Variants in ASRGL1 observed in about 807,000 individuals in gnomAD.
ASRGL1 encodes the protein isoaspartyl peptidase/L-asparaginase.
Under a neutral mutation model 22.4 loss-of-function variants are expected in ASRGL1, and 16 were observed. That is an observed-to-expected ratio of 0.71 (90% CI 0.48 to 1.08). The LOEUF (loss-of-function observed/expected upper bound fraction) is 1.08, where lower values mean the gene tolerates loss of function less well. Among genes scored for constraint, ASRGL1 ranks in the 50% least tolerant of loss-of-function variants. The pLI, the probability that ASRGL1 is intolerant of heterozygous loss-of-function variation, is 0.00. For synonymous variants in ASRGL1, 165 were observed against 159.3 expected, an observed-to-expected ratio of 1.04 and a Z score of -0.27; for missense variants, 412 against 410.1, an observed-to-expected ratio of 1.00 and a Z score of -0.04.
chr11:62,388,154 A>G (rs1393910883), intron 4 of ASRGL1, among the ~76,000 whole-genome samples: 4 of 152,230 alleles, frequency 2.6e-5, no homozygotes, highest in Non-Finnish European at 5.9e-5. Flanking sequence ...GTACTTGTGT[A>G]TCTAAACATA....
chr11:62,386,642 G>A (rs1226979165), intron 4 of ASRGL1, among the ~76,000 whole-genome samples: 2 of 152,192 alleles, frequency 1.3e-5, no homozygotes, highest in Non-Finnish European at 2.9e-5. Context: ...GAACACTTGA[G>A]AATGCGCTTA....
chr11:62,386,032 C>G, intron 4 of ASRGL1, among the ~76,000 whole-genome samples: 1 of 151,990 alleles, frequency 6.6e-6, no homozygotes, highest in East Asian at 1.9e-4. Context: ...CATGGTGACA[C>G]ACGCCTGTAG....
intron 4 of ASRGL1, among the ~76,000 whole-genome samples, chr11:62,362,634 TATATA>T (rs1237410993): frequency 1.4e-5 from 1 of 72,028 alleles, no homozygotes; most frequent in African/African-American, 6.1e-5. Context: ...ATATAAAATA[TATATA>T]ATATATAATA....
chr11:62,395,759 C>CTTTTT (rs564952668), downstream of ASRGL1, among the ~76,000 whole-genome samples: 200 of 71,944 alleles, frequency 2.8e-3, 20 homozygotes, highest in Non-Finnish European at 4.1e-3. Flanking sequence ...GTAGCTGTTT[C>CTTTTT]TTTTTTTTTT....
intron 4 of ASRGL1, among the ~76,000 whole-genome samples, chr11:62,376,998 A>G (rs887988906): frequency 2.6e-5 from 4 of 152,224 alleles, no homozygotes; most frequent in Admixed American, 6.5e-5. Context: ...GCCATAACAC[A>G]TTAGGACATA....
In ASRGL1 at chr11:62,350,617, G is replaced by A. The variant is rs921051075; in HGVS notation, c.191-5708G>A. On this transcript the variant is annotated intron_variant, in intron 2 of 6. Coordinates refer to ENST00000415229, the MANE Select transcript of ASRGL1 (RefSeq NM_001083926.2). ...TCAAAACCAGCCTGGCCAACATGGT[G>A]AAACCTCATCTCTACTAAAAATACA... Among the ~76,000 whole-genome samples the A allele has an allele frequency of 2.6e-5, 4 of 152,236 alleles. No homozygotes were observed. The South Asian group carries it at 8.3e-4, about 32-fold the overall frequency.
intron 4 of ASRGL1, chr11:62,371,150 C>T (rs1813842192): frequency 8.9e-7 from 1 of 1,123,360 alleles, no homozygotes; most frequent in Non-Finnish European, 1.2e-6. Flanking sequence ...AGGAAGAAGG[C>T]GGCGGTGGCG....
chr11:62,356,254 A>T, intron 2 of ASRGL1, 71 bp from the exon 3 acceptor site: 14 of 1,544,814 alleles, frequency 9.1e-6, no homozygotes, highest in East Asian at 2.3e-5. Context: ...CGGGGGGCTG[A>T]CCCCCCCACC....
chr11:62,379,438 A>G (rs1036783673), intron 4 of ASRGL1, among the ~76,000 whole-genome samples: 3 of 152,094 alleles, frequency 2.0e-5, no homozygotes, highest in Non-Finnish European at 4.4e-5. Flanking sequence ...TCCAACCTTA[A>G]TATAAGGCAG....
At chr11:62,370,752 A>G (rs955590927) in intron 4 of ASRGL1, among the ~76,000 whole-genome samples, 3 of 152,092 alleles carry the variant, frequency 2.0e-5, no homozygotes, top group Non-Finnish European at 4.4e-5. Context: ...ATATCACCGC[A>G]CTATTGGCCA....
Position 62,387,127 on chromosome 11 carries a change from T to G in ASRGL1, c.492-2006T>G, listed in dbSNP as rs11820150. On this transcript the variant is annotated intron_variant, in intron 4 of 6. Coordinates refer to ENST00000415229, the MANE Select transcript of ASRGL1 (RefSeq NM_001083926.2). ...CATGTTGACCAGGCTAGTCTCAAAC[T>G]GCTGACCTCAGGTGATCAGCCTGCC... Among the ~76,000 whole-genome samples the G allele has an allele frequency of 4.2e-3, 643 of 151,332 alleles. 2 individuals carry two copies. Among genetic ancestry groups the G allele is most frequent in the African/African-American group, 0.014 (596 of 41,216 alleles).
At chr11:62,356,895 G>C (rs1295675381) in intron 3 of ASRGL1, 92 bp from the exon 4 acceptor site, 2 of 1,403,102 alleles carry the variant, frequency 1.4e-6, no homozygotes, top group Non-Finnish European at 1.9e-6. Flanking sequence ...TTTGCACCCA[G>C]AGAGAAGTAA....
intron 4 of ASRGL1, chr11:62,371,768 C>G (rs1274862920): frequency 4.1e-6 from 2 of 486,760 alleles, no homozygotes; most frequent in East Asian, 4.8e-5. Context: ...CTGGCTAACA[C>G]GGTGAAACCC....
At chr11:62,394,459 A>T (rs1026133353), downstream of ASRGL1, among the ~76,000 whole-genome samples, 1 of 151,374 alleles carries the variant, frequency 6.6e-6, no homozygotes, top group Non-Finnish European at 1.5e-5. Flanking sequence ...ATGCTGAGGT[A>T]CTGGGGGTTA....
intron 4 of ASRGL1, among the ~76,000 whole-genome samples, chr11:62,375,782 G>A (rs1265211098): frequency 6.6e-6 from 1 of 151,830 alleles, no homozygotes; most frequent in Non-Finnish European, 1.5e-5. Flanking sequence ...TGCTCCTGCA[G>A]GCATGGGGAG....
At chr11:62,387,182 T>A (rs1947236843) in intron 4 of ASRGL1, among the ~76,000 whole-genome samples, 2 of 151,766 alleles carry the variant, frequency 1.3e-5, no homozygotes, top group East Asian at 3.9e-4. Flanking sequence ...GAATTACAGG[T>A]GTGAGCCACA....
chr11:62,389,091 T>C, intron 4 of ASRGL1, 42 bp from the exon 5 acceptor site: 1 of 1,535,376 alleles, frequency 6.5e-7, no homozygotes, highest in Non-Finnish European at 9.0e-7. Context: ...GTGTTCATTC[T>C]CATTTTCAGC....
At chr11:62,357,244 G>GTTTTC in intron 4 of ASRGL1, 100 bp downstream of exon 4, 1 of 1,094,618 alleles carries the variant, frequency 9.1e-7, no homozygotes, top group Non-Finnish European at 1.3e-6. Context: ...GTTTTGTTTT[G>GTTTTC]TTTTGTTTTG....
chr11:62,352,413 C>G (rs1284233418), intron 2 of ASRGL1, among the ~76,000 whole-genome samples: 1 of 152,110 alleles, frequency 6.6e-6, no homozygotes, highest in African/African-American at 2.4e-5. Context: ...TGGTGAAAAC[C>G]TGTCTCTACT....
Sources: allele counts gnomAD v4.1 joint callset (sites outside exome capture counted in the v4.1 genomes callset), GRCh38; gene constraint gnomAD v4.1.1; transcripts MANE v1.5; gene names NCBI Gene and HGNC (gene_info 2026-07-23, HGNC 2026-07-21).